The following PHF14 variants were observed in gnomAD, a reference collection of about 807,000 sequenced individuals.
PHF14 encodes the protein PHD finger protein 14.
In PHF14, 55 loss-of-function variants were observed where a neutral mutation model predicts 117.9. The ratio of observed to expected loss-of-function variants is 0.47; its 90% confidence interval spans 0.38 to 0.58. The LOEUF is 0.58. Among genes scored for constraint, PHF14 ranks in the 20% least tolerant of loss-of-function variants. The pLI is 0.00. For missense variants in PHF14, 978 were observed against 1,122.2 expected, an observed-to-expected ratio of 0.87 and a Z score of 1.84; for synonymous variants, 409 against 368.6, an observed-to-expected ratio of 1.11 and a Z score of -1.26.
At chr7:11,144,553 G>A (rs1314609327) in intron 17 of PHF14, among the ~76,000 whole-genome samples, 1 of 149,148 alleles carries the variant, frequency 6.7e-6, no homozygotes, top group Non-Finnish European at 1.5e-5. Flanking sequence ...CATGTTTATT[G>A]TAGCACTATA....
chr7:11,107,674 C>A, intron 16 of PHF14: 1 of 649,860 alleles, frequency 1.5e-6, no homozygotes, highest in Non-Finnish European at 1.9e-6. Flanking sequence ...TAATAATGTG[C>A]TATTCGTATA....
intron 11 of PHF14, among the ~76,000 whole-genome samples, chr7:11,039,925 A>G (rs1254486393): frequency 6.6e-6 from 1 of 152,136 alleles, no homozygotes; most frequent in East Asian, 1.9e-4. Flanking sequence ...ATAAGGCTTT[A>G]GTTTATTTGC....
intron 2 of PHF14, among the ~76,000 whole-genome samples, chr7:10,979,785 G>A (rs1454839842): frequency 6.6e-6 from 1 of 151,962 alleles, no homozygotes; most frequent in Non-Finnish European, 1.5e-5. Flanking sequence ...ATCAGAGAAA[G>A]ATAAGATTTG....
Position 11,037,048 on chromosome 7 carries a change from A to T in PHF14, c.1937A>T (p.Lys646Ile), listed in dbSNP as rs1450364644. 1.5e-5 allele frequency: 23 copies of T among 1,506,692 alleles called. No homozygotes were observed. Among genetic ancestry groups the T allele is most frequent in the Non-Finnish European group, 2.1e-5 (23 of 1,099,576 alleles). 93.3% of individuals were successfully genotyped at this position (1,506,692 alleles called of 1,614,324 possible). A position where few individuals can be genotyped will look rare whatever the true frequency, so the allele number is the denominator to read the frequency against. ...GCTGAACAAAAGAATATAAAAGATA[A>T]ATTAGAGAATGAACAAGAAAAGCTT... ...NMAEQKNIKD[K>I]LENEQEKLHV... Residue 646 changes from lysine (K) to isoleucine (I), a missense_variant, in exon 10 of 18, where the codon AAA (lysine) becomes ATA (isoleucine). This residue lies in a region of PHF14 where 237 missense variants were observed against 276.4 expected (regional missense o/e 0.86). Transcript: ENST00000634607.
chr7:11,149,945 ATTTACT>A (rs924917843), intron 17 of PHF14, among the ~76,000 whole-genome samples: 8 of 152,050 alleles, frequency 5.3e-5, no homozygotes, highest in Admixed American at 1.3e-4. Context: ...ATAGTGATAT[ATTTACT>A]TTTACTTTAA....
Position 11,062,087 on chromosome 7 carries a change from T to C in PHF14, c.2654+2T>C, listed in dbSNP as rs938518957. 6.2e-7 allele frequency: 1 copy of C among 1,604,378 alleles called. No individual in the cohort carries two copies. Among genetic ancestry groups the C allele is most frequent in the African/African-American group, 1.3e-5 (1 of 74,648 alleles). On this transcript the variant is annotated splice_donor_variant, in intron 16 of 17. Coordinates refer to ENST00000634607, the MANE Select transcript of PHF14 (RefSeq NM_001007157.2). LOFTEE classifies it high-confidence loss of function. Reference sequence around the variant, plus strand: ...TGGAGACAATGAAAATCTTGTCAGGTAAGTTGGATGCTAAAACCTTGTCTT... The same window carrying C: ...TGGAGACAATGAAAATCTTGTCAGGCAAGTTGGATGCTAAAACCTTGTCTT...
intron 4 of PHF14, among the ~76,000 whole-genome samples, chr7:10,991,554 C>T (rs1782451570): frequency 6.6e-6 from 1 of 151,756 alleles, no homozygotes. Context: ...AAGTGATCCG[C>T]CTGCCTCAGC....
At chr7:10,983,405 T>C (rs1782112055) in intron 3 of PHF14, among the ~76,000 whole-genome samples, 1 of 152,206 alleles carries the variant, frequency 6.6e-6, no homozygotes, top group East Asian at 1.9e-4. Context: ...TAGAGAAATA[T>C]TTTTATATCC....
At chr7:10,990,639 G>A (rs1473612580) in intron 3 of PHF14, 64 bp from the exon 4 acceptor site, 5 of 985,386 alleles carry the variant, frequency 5.1e-6, no homozygotes, top group South Asian at 1.7e-5. Flanking sequence ...AAGAATTTTA[G>A]TGATTAAGTT....
chr7:10,995,045 A>G (rs1473035714), intron 4 of PHF14, among the ~76,000 whole-genome samples: 2 of 152,136 alleles, frequency 1.3e-5, no homozygotes, highest in Admixed American at 6.5e-5. Flanking sequence ...TGTGTTTACA[A>G]TCCCTGAGAT....
intron 14 of PHF14, among the ~76,000 whole-genome samples, chr7:11,053,907 C>G (rs1296658447): frequency 2.0e-5 from 3 of 151,742 alleles, no homozygotes; most frequent in Non-Finnish European, 4.4e-5. Context: ...AAGTTTTAGA[C>G]TTCTTACAGA....
intron 16 of PHF14, among the ~76,000 whole-genome samples, chr7:11,094,274 A>T (rs1301917480): frequency 6.6e-6 from 1 of 152,226 alleles, no homozygotes; most frequent in Non-Finnish European, 1.5e-5. Flanking sequence ...TTTGGAAGAC[A>T]TAAGTCCAAA....
chr7:11,049,466 CTG>C lies in PHF14; in HGVS notation c.2313-2144_2313-2143del, dbSNP rs1784780379. Among the ~76,000 whole-genome samples, 3 of 125,064 alleles carry C rather than the reference CTG, an allele frequency of 2.4e-5. No homozygotes were observed. In the Admixed American group the frequency reaches 2.6e-4, roughly 11 times the overall value. The allele number at this position is 125,064 out of a possible 152,430, so 82.0% of individuals were successfully genotyped here. A position where few individuals can be genotyped will look rare whatever the true frequency, so the allele number is the denominator to read the frequency against. ...CTCCAGCCTGGGCGACTTAGCAAGA[CTG>C]TCTCTCAAAAAAAAAAAAAAAAAAA... On this transcript the variant is annotated intron_variant, in intron 13 of 17. Coordinates refer to ENST00000634607, the MANE Select transcript of PHF14 (RefSeq NM_001007157.2).
At chr7:11,104,601 G>A in intron 16 of PHF14, 1 of 983,798 alleles carries the variant, frequency 1.0e-6, no homozygotes, top group South Asian at 4.7e-5. Context: ...GAAAATATCA[G>A]GAAGGAGATG....
chr7:11,062,871 C>G, intron 16 of PHF14: 2 of 984,202 alleles, frequency 2.0e-6, no homozygotes, highest in Non-Finnish European at 2.4e-6. Flanking sequence ...TCTTACAGTT[C>G]TTACAGGGAC....
intron 16 of PHF14, among the ~76,000 whole-genome samples, chr7:11,094,303 A>G (rs1018836145): frequency 2.0e-5 from 3 of 152,206 alleles, no homozygotes; most frequent in African/African-American, 7.2e-5. Flanking sequence ...CATTTGGTCA[A>G]GGTGTTCAGC....
chr7:10,980,467 C>T (rs546651871), intron 2 of PHF14, among the ~76,000 whole-genome samples: 1 of 152,086 alleles, frequency 6.6e-6, no homozygotes, highest in African/African-American at 2.4e-5. Context: ...GTTATTTTTA[C>T]CAGATGTGAT....
intron 16 of PHF14, among the ~76,000 whole-genome samples, chr7:11,092,799 C>T (rs1786693710): frequency 6.6e-6 from 1 of 152,030 alleles, no homozygotes; most frequent in Non-Finnish European, 1.5e-5. Flanking sequence ...GGAGGAGATA[C>T]AGTTGTCTTG....
chr7:11,031,752 C>T (rs889743487), intron 7 of PHF14, among the ~76,000 whole-genome samples: 2 of 152,032 alleles, frequency 1.3e-5, no homozygotes, highest in Admixed American at 1.3e-4. Flanking sequence ...GACCCTACCT[C>T]TAAAAATTTT....
Sources: allele counts gnomAD v4.1 joint callset (sites outside exome capture counted in the v4.1 genomes callset), GRCh38; gene constraint gnomAD v4.1.1; regional missense constraint gnomAD v4.1.1; transcripts MANE v1.5; gene names NCBI Gene and HGNC (gene_info 2026-07-23, HGNC 2026-07-21).